PEAK1: variants seen among roughly 807,000 people sequenced by gnomAD.
The protein encoded by PEAK1 is pseudopodium enriched atypical kinase 1.
Under a neutral mutation model 124.7 loss-of-function variants are expected in PEAK1, and 54 were observed. That is an observed-to-expected ratio of 0.43 (90% CI 0.35 to 0.54). The LOEUF (loss-of-function observed/expected upper bound fraction) is 0.54, where lower values mean the gene tolerates loss of function less well. Ranked by LOEUF, PEAK1 falls within the 20% of genes least tolerant of loss-of-function variation. The pLI, the probability that PEAK1 is intolerant of heterozygous loss-of-function variation, is 0.01. For missense variants in PEAK1, 2,046 were observed against 2,134.5 expected, an observed-to-expected ratio of 0.96 and a Z score of 0.82; for synonymous variants, 719 against 760.0, an observed-to-expected ratio of 0.95 and a Z score of 0.89.
chr15:77,198,061 TGA>T (rs1247186918), intron 6 of PEAK1, among the ~76,000 whole-genome samples: 14 of 152,260 alleles, frequency 9.2e-5, no homozygotes, highest in South Asian at 4.1e-4. Flanking sequence ...AAAACTTAAA[TGA>T]GAGAAATGTA....
At chr15:77,353,079 T>C (rs1322139395) in intron 2 of PEAK1, 2 of 774,698 alleles carry the variant, frequency 2.6e-6, no homozygotes, top group East Asian at 1.3e-4. Context: ...GCTGCAAGCA[T>C]GGAAGCAGCA....
At chr15:77,176,228 T>C (rs1369317844) in intron 7 of PEAK1, among the ~76,000 whole-genome samples, 1 of 136,244 alleles carries the variant, frequency 7.3e-6, no homozygotes, top group Non-Finnish European at 1.5e-5. Context: ...ATTGTGCACA[T>C]GTACCCTAAA....
At chr15:77,419,360 A>T in intron 1 of PEAK1, 1 of 985,238 alleles carries the variant, frequency 1.0e-6, no homozygotes, top group Non-Finnish European at 1.2e-6. Flanking sequence ...AGGAAAGAAA[A>T]GTTGCAAGAA....
chr15:77,155,276 T>A (rs546880302), intron 8 of PEAK1: 80 of 152,386 alleles, frequency 5.2e-4, no homozygotes, highest in African/African-American at 1.9e-3. Flanking sequence ...GTTGATCGCA[T>A]CGGCTCCTGA....
intron 2 of PEAK1, among the ~76,000 whole-genome samples, chr15:77,338,522 T>C (rs1223456621): frequency 6.6e-6 from 1 of 152,030 alleles, no homozygotes; most frequent in East Asian, 1.9e-4. Flanking sequence ...TAAGTATTTC[T>C]ACAATAGCTT....
chr15:77,369,078 G>A (rs1028435594), intron 1 of PEAK1, among the ~76,000 whole-genome samples: 3 of 152,116 alleles, frequency 2.0e-5, no homozygotes, highest in African/African-American at 7.2e-5. Flanking sequence ...CAAATAAAAT[G>A]CACTATTTAT....
chr15:77,333,170 CA>C, intron 2 of PEAK1: 1 of 937,882 alleles, frequency 1.1e-6, no homozygotes, highest in Non-Finnish European at 1.3e-6. Context: ...TTATTTATAG[CA>C]AAGAGGTCTC....
chr15:77,259,817 G>C (rs1402041004), intron 5 of PEAK1, among the ~76,000 whole-genome samples: 1 of 152,128 alleles, frequency 6.6e-6, no homozygotes, highest in Non-Finnish European at 1.5e-5. Flanking sequence ...TCAGTAGAGG[G>C]AGGAAGAATT....
chr15:77,138,101 GC>G (rs2053484203), intron 8 of PEAK1, among the ~76,000 whole-genome samples: 2 of 152,312 alleles, frequency 1.3e-5, no homozygotes, highest in Admixed American at 1.3e-4. Flanking sequence ...GGCCTCCCCA[GC>G]CATGTGGAAC....
chr15:77,172,902 A>G (rs2056606472), intron 7 of PEAK1, among the ~76,000 whole-genome samples: 1 of 152,086 alleles, frequency 6.6e-6, no homozygotes, highest in African/African-American at 2.4e-5. Flanking sequence ...ACAGGCACAC[A>G]CCACCATGCC....
At chr15:77,417,893 C>T in intron 1 of PEAK1, 1 of 984,470 alleles carries the variant, frequency 1.0e-6, no homozygotes, top group Non-Finnish European at 1.2e-6. Flanking sequence ...TGTTGAAAAA[C>T]ATGTATGCAA....
intron 1 of PEAK1, chr15:77,381,338 C>T (rs774141786): frequency 3.0e-4 from 236 of 791,064 alleles, no homozygotes; most frequent in Middle Eastern, 1.3e-3. Flanking sequence ...CTGCTTGAGG[C>T]CAGGAGTTAA....
chr15:77,128,595 C>G (rs2052583290), intron 9 of PEAK1, among the ~76,000 whole-genome samples: 1 of 152,182 alleles, frequency 6.6e-6, no homozygotes, highest in African/African-American at 2.4e-5. Flanking sequence ...GAGGATTATT[C>G]TTGGGCCGAA....
intron 9 of PEAK1, among the ~76,000 whole-genome samples, chr15:77,132,599 G>T (rs537595766): frequency 6.6e-6 from 1 of 151,134 alleles, no homozygotes; most frequent in Non-Finnish European, 1.5e-5. Context: ...GGAGGCTGAG[G>T]CACAATAATT....
At chr15:77,142,189 A>G (rs2053840568) in intron 8 of PEAK1, among the ~76,000 whole-genome samples, 1 of 152,230 alleles carries the variant, frequency 6.6e-6, no homozygotes, top group South Asian at 2.1e-4. Context: ...CTATTTCTTC[A>G]AAGAAGATAT....
intron 2 of PEAK1, chr15:77,335,997 G>C (rs756860515): frequency 2.0e-6 from 2 of 985,176 alleles, no homozygotes; most frequent in Non-Finnish European, 1.2e-6. Flanking sequence ...ACTCCAAATG[G>C]TCAGAGTTAA....
At chr15:77,381,887 G>A (rs2141825293) in intron 1 of PEAK1, among the ~76,000 whole-genome samples, 1 of 152,164 alleles carries the variant, frequency 6.6e-6, no homozygotes, top group African/African-American at 2.4e-5. Flanking sequence ...ACTGGAAGTG[G>A]GACTAAAAGA....
At chr15:77,195,760 G>A (rs952640849) in intron 6 of PEAK1, among the ~76,000 whole-genome samples, 2 of 152,126 alleles carry the variant, frequency 1.3e-5, no homozygotes, top group Non-Finnish European at 2.9e-5. Flanking sequence ...GTACCAGATG[G>A]TGACATGTAC....
chr15:77,265,833 A>G (rs1392353845), intron 5 of PEAK1, among the ~76,000 whole-genome samples: 1 of 152,124 alleles, frequency 6.6e-6, no homozygotes, highest in Non-Finnish European at 1.5e-5. Flanking sequence ...ACTATTCACA[A>G]TAGCAAAGAC....
Sources: gnomAD v4.1 joint callset for allele counts (sites outside exome capture counted in the v4.1 genomes callset) on GRCh38, gnomAD v4.1.1 for gene constraint, MANE v1.5 for transcripts, NCBI Gene and HGNC (gene_info 2026-07-23, HGNC 2026-07-21) for gene names.